The following ANO1 variants were observed in gnomAD, a reference collection of about 807,000 sequenced individuals.
The protein encoded by ANO1 is anoctamin 1.
ANO1 carries 59 observed loss-of-function variants against 124.0 expected under a neutral mutation model. The observed-to-expected ratio is 0.48, with a 90% CI of 0.39 to 0.59. The LOEUF (loss-of-function observed/expected upper bound fraction) is 0.59. Among genes scored for constraint, ANO1 ranks in the 20% least tolerant of loss-of-function variants. ANO1 has a pLI of 0.00. For synonymous variants in ANO1, 529 were observed against 532.0 expected (o/e 0.99, Z 0.08); for missense variants, 1,059 against 1,328.0 (o/e 0.80, Z 3.15).
chr11:69,984,131 G>T (rs936016232), upstream of ANO1, among the ~76,000 whole-genome samples: 6 of 152,000 alleles, frequency 3.9e-5, no homozygotes, highest in Admixed American at 1.3e-4. Context: ...GTATCACATT[G>T]GCTATCAGAC....
At chr11:70,115,370 T>C (rs1014807588) in intron 7 of ANO1, among the ~76,000 whole-genome samples, 1 of 151,708 alleles carries the variant, frequency 6.6e-6, no homozygotes, top group African/African-American at 2.4e-5. Flanking sequence ...CGCAGCACTT[T>C]GGGAGGCCGA....
chr11:70,165,244 G>A (rs1014853187), intron 19 of ANO1: 6 of 551,268 alleles, frequency 1.1e-5, no homozygotes, highest in African/African-American at 7.6e-5. Context: ...TCAGATGGGC[G>A]CCCCATCTGA....
chr11:70,057,832 T>G (rs147865245), intron 1 of ANO1, among the ~76,000 whole-genome samples: 12 of 152,132 alleles, frequency 7.9e-5, no homozygotes, highest in African/African-American at 2.9e-4. Flanking sequence ...ACAGGGGATA[T>G]GATGGCTTAG....
chr11:69,978,211 G>A, the ANO1 span, among the ~76,000 whole-genome samples: 11 of 152,286 alleles, frequency 7.2e-5, no homozygotes, highest in South Asian at 6.2e-4. Context: ...CACTCCGTGG[G>A]CCTTTTCACC....
intron 2 of ANO1, among the ~76,000 whole-genome samples, chr11:70,090,673 T>A (rs909375958): frequency 6.6e-6 from 1 of 152,216 alleles, no homozygotes; most frequent in Non-Finnish European, 1.5e-5. Context: ...AATATCTTTT[T>A]AAATATTTTA....
intron 1 of ANO1, among the ~76,000 whole-genome samples, chr11:70,058,507 T>C (rs1555007221): frequency 1.3e-5 from 2 of 152,338 alleles, no homozygotes; most frequent in African/African-American, 4.8e-5. Context: ...AGAGAAGTTA[T>C]TAGAGAAGCT....
intron 1 of ANO1, among the ~76,000 whole-genome samples, chr11:70,027,433 T>C (rs1478556878): frequency 1.3e-5 from 2 of 152,256 alleles, no homozygotes; most frequent in East Asian, 1.9e-4. Context: ...AGGTACAGTT[T>C]CTACTGAAGG....
At chr11:70,167,703 T>C (rs2048310071) in intron 21 of ANO1, among the ~76,000 whole-genome samples, 1 of 145,860 alleles carries the variant, frequency 6.9e-6, no homozygotes, top group African/African-American at 2.8e-5. Flanking sequence ...CCAGCCACAG[T>C]CCCCAGGCAC....
At chr11:69,992,790 C>T (rs774490042) in intron 1 of ANO1, among the ~76,000 whole-genome samples, 33 of 152,212 alleles carry the variant, frequency 2.2e-4, no homozygotes, top group Non-Finnish European at 2.9e-4. Flanking sequence ...TTGTTCCCCT[C>T]GTCAACGTCT....
intron 1 of ANO1, among the ~76,000 whole-genome samples, chr11:70,030,320 G>A (rs549371812): frequency 1.6e-4 from 24 of 152,350 alleles, no homozygotes; most frequent in African/African-American, 5.0e-4. Flanking sequence ...AAAGGTATCG[G>A]GTTCTCCCTT....
chr11:70,187,298 A>G (rs1392137451), intron 25 of ANO1, among the ~76,000 whole-genome samples: 1 of 152,228 alleles, frequency 6.6e-6, no homozygotes, highest in Non-Finnish European at 1.5e-5. Context: ...GTTGCCTTCT[A>G]TCCACCAGAA....
chr11:70,089,209 C>T (rs116495753), intron 2 of ANO1, among the ~76,000 whole-genome samples: 1 of 152,182 alleles, frequency 6.6e-6, no homozygotes, highest in African/African-American at 2.4e-5. Context: ...TAAAACACAT[C>T]GAAAACAGAA....
chr11:70,055,797 T>A (rs148614491), intron 1 of ANO1, among the ~76,000 whole-genome samples: 65 of 152,238 alleles, frequency 4.3e-4, no homozygotes, highest in Non-Finnish European at 7.4e-4. Context: ...AATTGCCATA[T>A]CTCTTCTATT....
intron 1 of ANO1, chr11:70,016,378 A>T (rs1226771382): frequency 6.6e-6 from 1 of 152,220 alleles, no homozygotes; most frequent in East Asian, 1.9e-4. Context: ...GGAATTTGAG[A>T]ATGCGTGATG....
chr11:70,006,823 C>T (rs1445959377), intron 1 of ANO1, among the ~76,000 whole-genome samples: 2 of 151,768 alleles, frequency 1.3e-5, no homozygotes, highest in South Asian at 2.1e-4. Flanking sequence ...GTGCCTACCA[C>T]CAAGTCTGGC....
At chr11:70,146,710 A>G (rs890386565) in intron 11 of ANO1, among the ~76,000 whole-genome samples, 2 of 152,212 alleles carry the variant, frequency 1.3e-5, no homozygotes, top group African/African-American at 4.8e-5. Context: ...GAAAGCCGAC[A>G]GTGCAGCCTT....
intron 1 of ANO1, among the ~76,000 whole-genome samples, chr11:70,011,218 G>T (rs1203878695): frequency 6.6e-6 from 1 of 152,194 alleles, no homozygotes; most frequent in African/African-American, 2.4e-5. Context: ...GGGTCGGGGA[G>T]TGGAGAGCAG....
chr11:70,089,515 C>A (rs888984007), intron 2 of ANO1, among the ~76,000 whole-genome samples: 2 of 152,192 alleles, frequency 1.3e-5, no homozygotes, highest in Admixed American at 1.3e-4. Flanking sequence ...TCTTGTTGAA[C>A]CTGGGGCATC....
intron 9 of ANO1, among the ~76,000 whole-genome samples, chr11:70,125,529 A>G (rs930559270): frequency 3.3e-5 from 5 of 150,040 alleles, no homozygotes; most frequent in African/African-American, 2.4e-5. Flanking sequence ...AAAAAAAAAA[A>G]AAGAAAGAAA....
Sources: allele counts gnomAD v4.1 joint callset (sites outside exome capture counted in the v4.1 genomes callset), GRCh38; gene constraint gnomAD v4.1.1; transcripts MANE v1.5; gene names NCBI Gene and HGNC (gene_info 2026-07-23, HGNC 2026-07-21).